The following HERC1 variants were observed in gnomAD, a reference collection of about 807,000 sequenced individuals.
HERC1 encodes the protein HECT and RLD domain containing E3 ubiquitin protein ligase family member 1.
In HERC1, 160 loss-of-function variants were observed where a neutral mutation model predicts 554.3. The ratio of observed to expected loss-of-function variants is 0.29; its 90% CI spans 0.25 to 0.33. The LOEUF (loss-of-function observed/expected upper bound fraction) is 0.33, where lower values mean the gene tolerates loss of function less well. Among genes scored for constraint, HERC1 ranks in the 10% least tolerant of loss-of-function variants. The probability of loss-of-function intolerance (pLI) is 1.00; values close to 1 mark genes in which losing one functional copy is unlikely to be tolerated. For synonymous variants in HERC1, 2,175 were observed against 2,131.7 expected (o/e 1.02, Z -0.56); for missense variants, 4,919 against 5,918.5 (o/e 0.83, Z 5.54).
In HERC1 at chr15:63,725,095, G is replaced by C. The variant is rs145989941; in HGVS notation, c.3568+197C>G. Among the ~76,000 whole-genome samples the C allele has an allele frequency of 2.7e-3, 414 of 152,174 alleles. 1 individual carries two copies. Among genetic ancestry groups the C allele is most frequent in the African/African-American group, 9.4e-3 (389 of 41,500 alleles). On this transcript the variant is annotated intron_variant, in intron 18 of 77. Transcript: ENST00000443617. ...CAGACCTACAATTTCTATTTCCTCT[G>C]GGGGCTCTTTTCACCATATTGTGCT...
intron 51 of HERC1, 43 bp from the exon 52 acceptor site, chr15:63,652,584 A>T: frequency 6.9e-7 from 1 of 1,449,974 alleles, no homozygotes. Context: ...TTCTATTCAA[A>T]TGATTTTATT....
At chr15:63,821,225 C>T (rs140854301) in intron 1 of HERC1, among the ~76,000 whole-genome samples, 57 of 152,012 alleles carry the variant, frequency 3.7e-4, no homozygotes, top group African/African-American at 1.3e-3. Context: ...AGTTTGAGAC[C>T]AGCCTAGGCA....
intron 45 of HERC1, 146 bp from the exon 46 acceptor site, chr15:63,661,171 T>G: frequency 1.6e-6 from 1 of 622,990 alleles, no homozygotes. Flanking sequence ...GCTAACATAA[T>G]AAAAACTGCT....
At chr15:63,686,699 C>T (rs2071782893) in intron 33 of HERC1, among the ~76,000 whole-genome samples, 164 bp from the exon 34 acceptor site, 1 of 152,150 alleles carries the variant, frequency 6.6e-6, no homozygotes. Context: ...GAGCATGGTC[C>T]CTTCCCCATA....
chr15:63,671,244 C>G (rs2070904178), intron 39 of HERC1, among the ~76,000 whole-genome samples: 1 of 149,822 alleles, frequency 6.7e-6, no homozygotes, highest in South Asian at 2.1e-4. Context: ...TGGTGGTACA[C>G]TTGTAGTCCC....
At chr15:63,624,674 C>T (rs184201017) in intron 71 of HERC1, among the ~76,000 whole-genome samples, 40 of 152,142 alleles carry the variant, frequency 2.6e-4, no homozygotes, top group Admixed American at 2.6e-3. Flanking sequence ...CCAGCCTGGG[C>T]ACAGAGTGAG....
intron 15 of HERC1, 56 bp from the exon 16 acceptor site, chr15:63,729,424 TATC>T: frequency 1.3e-6 from 2 of 1,592,840 alleles, no homozygotes; most frequent in Non-Finnish European, 1.7e-6. Context: ...GGTGTAAAAA[TATC>T]ATGGCCTATC....
rs758771864 is a variant in HERC1 at position 63,658,728 on chromosome 15, A to G, written c.9425-10T>C. 2.5e-6 allele frequency: 4 copies of G among 1,604,064 alleles called. No homozygotes were observed. The East Asian group carries it at 9.0e-5, about 36-fold the overall frequency. On this transcript the variant is annotated splice_polypyrimidine_tract_variant and intron_variant, in intron 47 of 77. Transcript: ENST00000443617. ...ACGGAGCCATGGCAACCTGAAAAAC[A>G]TAATTCTGTTTTGTTCTCAACAAGG...
chr15:63,732,792 C>T (rs2074350985), intron 14 of HERC1, 132 bp downstream of exon 14: 1 of 614,048 alleles, frequency 1.6e-6, no homozygotes, highest in Non-Finnish European at 2.9e-6. Flanking sequence ...GAAACCCTGA[C>T]ATGTTTTTCC....
chr15:63,754,729 G>T, intron 6 of HERC1, 81 bp from the exon 7 acceptor site: 1 of 1,301,318 alleles, frequency 7.7e-7, no homozygotes, highest in Non-Finnish European at 1.1e-6. Flanking sequence ...TATAATAAAT[G>T]TTACAACTTT....
intron 1 of HERC1, among the ~76,000 whole-genome samples, chr15:63,796,854 T>C (rs1473322892): frequency 6.6e-6 from 1 of 152,226 alleles, no homozygotes; most frequent in Non-Finnish European, 1.5e-5. Flanking sequence ...ATCATGCAGA[T>C]GAGGCCTCCA....
At position 63,638,733 on chromosome 15, in the gene HERC1, G is replaced by C. The variant is rs754701907; in HGVS notation, c.11945C>G (p.Ser3982Cys). ...GACCTCAGGTCTGGAAGTTGCCCAA[G>C]ACATAATTTGTTCATCCATGCCGTT... is the stretch of plus-strand genomic sequence containing the variant. ...WINGMDEQIMSWATSRPEDWH... is the reference protein window; with the variant it reads ...WINGMDEQIMCWATSRPEDWH... Residue 3982 changes from serine to cysteine, a missense_variant, in exon 62 of 78, where the codon TCT becomes TGT. Transcript: ENST00000443617. 3 of 1,613,280 alleles carry C rather than the reference G, an allele frequency of 1.9e-6. No homozygotes were observed. Among genetic ancestry groups the C allele is most frequent in the African/African-American group, 2.7e-5 (2 of 74,882 alleles).
Position 63,615,039 on chromosome 15 carries a change from G to A in HERC1, c.14094+729C>T, listed in dbSNP as rs558088494. ...GGCTTAAAGAACAGCAGCAAGACAGGGAAAGGGAAATCCATGTGAGGTCAT... is the reference window on the plus strand; with the variant it reads ...GGCTTAAAGAACAGCAGCAAGACAGAGAAAGGGAAATCCATGTGAGGTCAT... On this transcript the variant is annotated intron_variant, in intron 76 of 77. Transcript: ENST00000443617. Among the ~76,000 whole-genome samples the A allele has an allele frequency of 7.9e-5, 12 of 152,316 alleles. No homozygotes were observed. The South Asian group carries it at 2.5e-3, about 32-fold the overall frequency.
Position 63,652,022 on chromosome 15 carries a change from C to T in HERC1, c.10418+392G>A, listed in dbSNP as rs548971959. On this transcript the variant is annotated intron_variant, in intron 52 of 77. Coordinates refer to ENST00000443617, the MANE Select transcript of HERC1 (RefSeq NM_003922.4). The stretch of plus-strand genomic sequence containing the variant: ...CTGCACTCTAGCCTAGGCAGCAGAG[C>T]GAGACTCAGTCTCAAAAAAGAAAAA... Among the ~76,000 whole-genome samples the T allele has an allele frequency of 2.6e-5, 4 of 151,876 alleles. No individual in the cohort carries two copies. In the South Asian group the frequency reaches 6.2e-4, roughly 24 times the overall value.
intron 1 of HERC1, among the ~76,000 whole-genome samples, chr15:63,829,586 T>TA (rs1480356189): frequency 0.011 from 1,492 of 139,530 alleles, 23 homozygotes; most frequent in Middle Eastern, 0.019. Flanking sequence ...TATATATATA[T>TA]ATATATATAA....
intron 25 of HERC1, among the ~76,000 whole-genome samples, chr15:63,701,670 C>T (rs1275848653): frequency 2.6e-5 from 4 of 152,060 alleles, no homozygotes; most frequent in Non-Finnish European, 5.9e-5. Flanking sequence ...CCAAATGTAA[C>T]TTTGTATAAA....
chr15:63,691,162 T>C (rs1055717715), intron 31 of HERC1, among the ~76,000 whole-genome samples: 1 of 152,200 alleles, frequency 6.6e-6, no homozygotes, highest in Non-Finnish European at 1.5e-5. Flanking sequence ...AAACAGACTA[T>C]ACTTTTCTAA....
chr15:63,746,275 T>C (rs570553492), intron 12 of HERC1, among the ~76,000 whole-genome samples: 5 of 152,286 alleles, frequency 3.3e-5, no homozygotes, highest in African/African-American at 4.8e-5. Flanking sequence ...AATTTCTTTC[T>C]TTGATCCACT....
intron 2 of HERC1, among the ~76,000 whole-genome samples, chr15:63,768,130 C>T (rs988364720): frequency 3.9e-5 from 6 of 152,220 alleles, no homozygotes; most frequent in Non-Finnish European, 7.3e-5. Flanking sequence ...CATTGCTCAT[C>T]GTCTTCAGAT....
Sources: gnomAD v4.1 joint callset for allele counts (sites outside exome capture counted in the v4.1 genomes callset) on GRCh38, gnomAD v4.1.1 for gene constraint, MANE v1.5 for transcripts, NCBI Gene and HGNC (gene_info 2026-07-23, HGNC 2026-07-21) for gene names.